SNAP47: variants seen among roughly 807,000 people sequenced by gnomAD.
The protein encoded by SNAP47 is synaptosomal-associated protein 47.
SNAP47 carries 20 observed loss-of-function variants against 31.4 expected under a neutral mutation model. The ratio of observed to expected loss-of-function variants is 0.64; its 90% CI spans 0.45 to 0.93. The LOEUF (loss-of-function observed/expected upper bound fraction) is 0.93. SNAP47 is among the 40% of genes least tolerant of loss of function. The pLI, the probability that SNAP47 is intolerant of heterozygous loss-of-function variation, is 0.00. For synonymous variants in SNAP47, 194 were observed against 213.4 expected (o/e 0.91, Z 0.79); for missense variants, 492 against 528.5 (o/e 0.93, Z 0.68).
At chr1:227,732,327 C>G (rs572040900), upstream of SNAP47, 4 of 1,573,856 alleles carry the variant, frequency 2.5e-6, no homozygotes, top group East Asian at 9.0e-5. Flanking sequence ...GTCTTTATTT[C>G]TGGAAGGGCC....
chr1:227,775,806 G>T lies in SNAP47; in HGVS notation c.1114-4721G>T, dbSNP rs566590122. 6.1e-6 allele frequency: 8 copies of T among 1,303,980 alleles called. No individual in the cohort carries two copies. In the Admixed American group the frequency reaches 1.6e-4, roughly 26 times the overall value. 80.8% of individuals were successfully genotyped at this position (1,303,980 alleles called of 1,614,324 possible). A position where few individuals can be genotyped will look rare whatever the true frequency, so the allele number is the denominator to read the frequency against. On this transcript the variant is annotated intron_variant, in intron 4 of 4. Transcript: ENST00000617596. ...CTCTGCAGGGCTTCCGGCCTATGTC[G>T]CTGTCAACCCAGACAGTGTTGGTGA...
intron 2 of SNAP47, among the ~76,000 whole-genome samples, chr1:227,755,831 C>T (rs965107977): frequency 7.0e-6 from 1 of 143,250 alleles, no homozygotes; most frequent in African/African-American, 2.5e-5. Flanking sequence ...AGCAGAATGA[C>T]GTGGAGTTTG....
intron 3 of SNAP47, among the ~76,000 whole-genome samples, chr1:227,765,287 G>T (rs551662600): frequency 6.6e-6 from 1 of 152,232 alleles, no homozygotes. Context: ...CTGGTGCAGC[G>T]CAGGCTGGGC....
intron 1 of SNAP47, among the ~76,000 whole-genome samples, chr1:227,737,041 G>A (rs1047032927): frequency 1.3e-5 from 2 of 152,236 alleles, no homozygotes; most frequent in Non-Finnish European, 2.9e-5. Flanking sequence ...AAATGTTAAA[G>A]GCCCTGGATT....
chr1:227,733,162 G>C, upstream of SNAP47: 1 of 1,055,798 alleles, frequency 9.5e-7, no homozygotes. Context: ...TCCCAGCAGG[G>C]CTTGCTCAGC....
upstream of SNAP47, chr1:227,735,310 T>C (rs1270774703): frequency 1.2e-5 from 19 of 1,603,140 alleles, no homozygotes; most frequent in Non-Finnish European, 1.6e-5. Flanking sequence ...TCCTCCTCAC[T>C]TCCGCCGGAG....
intron 4 of SNAP47, chr1:227,775,834 C>T (rs1455650561): frequency 7.7e-7 from 1 of 1,304,180 alleles, no homozygotes; most frequent in South Asian, 1.2e-5. Context: ...GTTGGTGATG[C>T]TTTGCTCCGA....
chr1:227,753,002 A>G (rs1662474122), intron 2 of SNAP47, among the ~76,000 whole-genome samples: 1 of 151,958 alleles, frequency 6.6e-6, no homozygotes, highest in Admixed American at 6.6e-5. Flanking sequence ...TGGTTGGTGT[A>G]TTTTCTTTTA....
intron 2 of SNAP47, among the ~76,000 whole-genome samples, chr1:227,752,744 A>C (rs1314339466): frequency 6.6e-6 from 1 of 152,242 alleles, no homozygotes; most frequent in Non-Finnish European, 1.5e-5. Flanking sequence ...TTGTTTTCAA[A>C]GATCACCTCC....
upstream of SNAP47, chr1:227,735,368 C>G (rs200470754): frequency 7.4e-5 from 118 of 1,591,092 alleles, 1 homozygote; most frequent in East Asian, 2.2e-3. Flanking sequence ...CAGGGCGCCG[C>G]GTTTCTGCCC....
upstream of SNAP47, chr1:227,734,721 T>TC (rs765622566): frequency 3.4e-5 from 55 of 1,614,028 alleles, no homozygotes; most frequent in Non-Finnish European, 4.6e-5. Context: ...ATGTACTCTT[T>TC]CCAGTAGGTG....
At chr1:227,734,127 T>A, upstream of SNAP47, 1 of 1,416,846 alleles carries the variant, frequency 7.1e-7, no homozygotes, top group Non-Finnish European at 9.5e-7. Flanking sequence ...TCGGCTCCAG[T>A]GGAGCTTCCA....
intron 4 of SNAP47, among the ~76,000 whole-genome samples, chr1:227,778,176 T>C (rs1347854102): frequency 6.6e-6 from 1 of 152,232 alleles, no homozygotes. Flanking sequence ...CAGTGGTCTG[T>C]ATTATGGGCA....
intron 1 of SNAP47, among the ~76,000 whole-genome samples, chr1:227,742,924 G>C (rs1290462189): frequency 6.6e-6 from 1 of 152,200 alleles, no homozygotes; most frequent in Non-Finnish European, 1.5e-5. Context: ...TGGCAGAACG[G>C]CATCATGGGT....
At chr1:227,777,666 C>G (rs891430097) in intron 4 of SNAP47, among the ~76,000 whole-genome samples, 41 of 152,156 alleles carry the variant, frequency 2.7e-4, no homozygotes, top group African/African-American at 8.9e-4. Context: ...TTTGTTTTCC[C>G]TATCATTTTT....
chr1:227,732,452 T>C (rs1317666912), upstream of SNAP47: 7 of 1,613,114 alleles, frequency 4.3e-6, no homozygotes, highest in South Asian at 7.7e-5. Context: ...CTTTGGGCTG[T>C]GGTGAGAACG....
At chr1:227,772,234 C>T (rs1346466753) in intron 4 of SNAP47, among the ~76,000 whole-genome samples, 2 of 152,096 alleles carry the variant, frequency 1.3e-5, no homozygotes, top group Non-Finnish European at 2.9e-5. Flanking sequence ...CAAATTTTGC[C>T]ATTTTAACCA....
rs111234245 is a variant in SNAP47 at position 227,741,055 on chromosome 1, A to G, written c.-46+5556A>G. 2.4e-4 allele frequency among the ~76,000 whole-genome samples: 34 copies of G among 141,922 alleles called. No homozygotes were observed. Among genetic ancestry groups the G allele is most frequent in the African/African-American group, 6.8e-4 (24 of 35,090 alleles). The allele number at this position is 141,922 out of a possible 152,430, so 93.1% of individuals were successfully genotyped here. A position where few individuals can be genotyped will look rare whatever the true frequency, so the allele number is the denominator to read the frequency against. On this transcript the variant is annotated intron_variant, in intron 1 of 4. Coordinates refer to ENST00000617596, the MANE Select transcript of SNAP47 (RefSeq NM_053052.4). The surrounding 1 kb of genome is among the most constrained non-coding windows in gnomAD (Gnocchi z 4.2). ...TGTGAAGTTGGGTTGCCCGTTAGGG[A>G]TGGGGGCAGATACCCAGCAGGTGAT...
At chr1:227,728,852 C>G (rs2102848906) in intron 1 of SNAP47, 1 of 152,454 alleles carries the variant, frequency 6.6e-6, no homozygotes, top group African/African-American at 2.4e-5. Flanking sequence ...GCAGGCAGGC[C>G]CTGCCGCGGA....
Sources: allele counts gnomAD v4.1 joint callset (sites outside exome capture counted in the v4.1 genomes callset), GRCh38; gene constraint gnomAD v4.1.1; non-coding constraint Gnocchi (gnomAD v3.1); transcripts MANE v1.5; gene names NCBI Gene and HGNC (gene_info 2026-07-23, HGNC 2026-07-21).